The following SEC22A variants were observed in gnomAD, a reference collection of about 807,000 sequenced individuals.
SEC22A encodes vesicle-trafficking protein SEC22a.
In SEC22A, 22 loss-of-function variants were observed where a neutral mutation model predicts 35.3. The observed-to-expected ratio is 0.62, with a 90% confidence interval of 0.45 to 0.89. The LOEUF (loss-of-function observed/expected upper bound fraction) is 0.89, where lower values mean the gene tolerates loss of function less well. SEC22A is among the 40% of genes least tolerant of loss of function. SEC22A has a pLI of 0.00. For synonymous variants in SEC22A, 119 were observed against 129.5 expected, an observed-to-expected ratio of 0.92 and a Z score of 0.55; for missense variants, 354 against 362.5, an observed-to-expected ratio of 0.98 and a Z score of 0.19.
chr3:123,228,246 C>T (rs1266412898), intron 4 of SEC22A, among the ~76,000 whole-genome samples: 1 of 151,490 alleles, frequency 6.6e-6, no homozygotes, highest in Non-Finnish European at 1.5e-5. Flanking sequence ...GTCCAATTTC[C>T]AGTAAATTAT....
At chr3:123,212,898 T>G (rs1206925127) in intron 2 of SEC22A, among the ~76,000 whole-genome samples, 1 of 152,076 alleles carries the variant, frequency 6.6e-6, no homozygotes, top group Non-Finnish European at 1.5e-5. Flanking sequence ...GCAAAGGGGG[T>G]AATCCATAGG....
chr3:123,217,995 T>G (rs1042465302), intron 2 of SEC22A, among the ~76,000 whole-genome samples: 1 of 152,236 alleles, frequency 6.6e-6, no homozygotes, highest in African/African-American at 2.4e-5. Context: ...AATGTCAGTG[T>G]TTAATTGGTG....
intron 6 of SEC22A, among the ~76,000 whole-genome samples, chr3:123,263,874 C>T (rs1937959047): frequency 6.6e-6 from 1 of 151,282 alleles, no homozygotes; most frequent in Non-Finnish European, 1.5e-5. Flanking sequence ...CTTTTTATTG[C>T]TGAGTAGTAT....
intron 2 of SEC22A, among the ~76,000 whole-genome samples, chr3:123,220,812 G>A (rs146527615): frequency 4.7e-4 from 69 of 147,152 alleles, no homozygotes; most frequent in Admixed American, 1.3e-3. Context: ...AGTAATAGAC[G>A]ACTAGTAGGT....
At chr3:123,221,193 G>A (rs889213811) in intron 2 of SEC22A, among the ~76,000 whole-genome samples, 7 of 151,524 alleles carry the variant, frequency 4.6e-5, no homozygotes, top group African/African-American at 1.5e-4. Context: ...TGTGTAGGCC[G>A]GGCGTGGTGA....
chr3:123,209,244 C>T lies in SEC22A; in HGVS notation c.27C>T (p.Val9=). 6.2e-7 allele frequency: 1 copy of T among 1,613,998 alleles called. No individual in the cohort carries two copies. Residue 9 remains valine, a synonymous_variant, in exon 2 of 7, where the codon GTC becomes GTT. Transcript: ENST00000492595. The part of the protein sequence containing the change: MSMILSAS[V]IRVRDGLPLS... ...TGTCTATGATTTTATCTGCCTCAGTCATTCGTGTCAGAGATGGACTGCCAC... is the reference window on the plus strand; with the variant it reads ...TGTCTATGATTTTATCTGCCTCAGTTATTCGTGTCAGAGATGGACTGCCAC...
Position 123,223,605 on chromosome 3 carries a change from A to G in SEC22A, c.229A>G (p.Asn77Asp), listed in dbSNP as rs1937169131. 1 of 1,613,644 alleles carries G rather than the reference A, an allele frequency of 6.2e-7. No individual in the cohort carries two copies. Among genetic ancestry groups the G allele is most frequent in the Non-Finnish European group, 8.5e-7 (1 of 1,179,758 alleles). The change falls in exon 3 of 7, where the codon AAT (asparagine) becomes GAT (aspartate). Residue 77 changes from asparagine (N) to aspartate (D), a missense_variant. Asn to Asp is a conservative substitution (Grantham distance 23, BLOSUM62 1). Transcript: ENST00000492595. ...GVSYMMLCTE[N>D]YPNVLAFSFL... is the part of the protein sequence containing the mutation. ...GAGCTACATGATGTTGTGCACTGAA[A>G]ATTACCCAAATGTTCTCGCCTTCTC...
At chr3:123,206,156 G>C (rs1193973141) in intron 1 of SEC22A, among the ~76,000 whole-genome samples, 1 of 152,180 alleles carries the variant, frequency 6.6e-6, no homozygotes, top group African/African-American at 2.4e-5. Context: ...CACCCAGGTT[G>C]GACTGCAGTG....
chr3:123,228,075 A>G (rs1430851557), intron 4 of SEC22A, among the ~76,000 whole-genome samples: 1 of 152,136 alleles, frequency 6.6e-6, no homozygotes, highest in Non-Finnish European at 1.5e-5. Flanking sequence ...GACTGAATAC[A>G]ACACTTCACA....
At chr3:123,227,204 T>C (rs1367519207) in intron 4 of SEC22A, among the ~76,000 whole-genome samples, 1 of 151,086 alleles carries the variant, frequency 6.6e-6, no homozygotes, top group Non-Finnish European at 1.5e-5. Flanking sequence ...AAGAAAATTA[T>C]TCCAACCTAA....
intron 4 of SEC22A, among the ~76,000 whole-genome samples, chr3:123,226,817 A>T (rs1395529033): frequency 6.6e-6 from 1 of 152,210 alleles, no homozygotes; most frequent in African/African-American, 2.4e-5. Context: ...AGTTTCCCCA[A>T]TGTTATCTTT....
In SEC22A at chr3:123,223,552, A is replaced by C. The variant is rs200916160; in HGVS notation, c.183-7A>C. 14 of 1,608,672 alleles carry C rather than the reference A, an allele frequency of 8.7e-6. No individual in the cohort carries two copies. In the East Asian group the frequency reaches 2.7e-4, roughly 31 times the overall value. ...AAATTTTAAAACCAATGTTTTTTACACTGTAGTTTTATTAGCTCTCTGGGA... is the reference window on the plus strand; with the variant it reads ...AAATTTTAAAACCAATGTTTTTTACCCTGTAGTTTTATTAGCTCTCTGGGA... On this transcript the variant is annotated splice_polypyrimidine_tract_variant and splice_region_variant and intron_variant, in intron 2 of 6. Transcript: ENST00000492595.
chr3:123,266,720 A>G (rs1302468311), intron 6 of SEC22A, among the ~76,000 whole-genome samples: 4 of 151,984 alleles, frequency 2.6e-5, no homozygotes. Flanking sequence ...GTCTTGTTAT[A>G]TGTTCCATAG....
chr3:123,256,805 G>A (rs2108092976), intron 5 of SEC22A, among the ~76,000 whole-genome samples: 1 of 140,678 alleles, frequency 7.1e-6, no homozygotes, highest in South Asian at 2.2e-4. Context: ...TGTCACCCAG[G>A]CTGGAGTGCA....
At chr3:123,263,606 TC>T (rs1464549823) in intron 6 of SEC22A, among the ~76,000 whole-genome samples, 1 of 150,142 alleles carries the variant, frequency 6.7e-6, no homozygotes, top group Admixed American at 6.6e-5. Flanking sequence ...AATCTCCACT[TC>T]CCAGTTCAAG....
intron 6 of SEC22A, among the ~76,000 whole-genome samples, chr3:123,271,052 G>A (rs552486707): frequency 1.4e-4 from 22 of 152,260 alleles, no homozygotes; most frequent in African/African-American, 5.3e-4. Flanking sequence ...ATAGTTCCTT[G>A]TACTCAGTGG....
rs187646322 is a variant in SEC22A at position 123,206,506 on chromosome 3, G to A, written c.-19-2693G>A. On this transcript the variant is annotated intron_variant, in intron 1 of 6. Transcript: ENST00000492595. ...ACAGTTTTATAGTTAAATAATAAACGCTTAAGGGGATAGAGTAAGACATTT... is the reference window on the plus strand; with the variant it reads ...ACAGTTTTATAGTTAAATAATAAACACTTAAGGGGATAGAGTAAGACATTT... Among the ~76,000 whole-genome samples the A allele has an allele frequency of 1.3e-3, 192 of 152,228 alleles. 1 individual carries two copies. The highest frequency in any genetic ancestry group is 6.5e-4 in the Non-Finnish European group (44 of 68,028).
At chr3:123,215,871 G>A (rs1210757462) in intron 2 of SEC22A, among the ~76,000 whole-genome samples, 1 of 151,850 alleles carries the variant, frequency 6.6e-6, no homozygotes, top group Non-Finnish European at 1.5e-5. Flanking sequence ...CTCTTTTTTT[G>A]GTCAATAATA....
intron 1 of SEC22A, among the ~76,000 whole-genome samples, chr3:123,206,619 T>G (rs1410012222): frequency 1.3e-5 from 2 of 152,160 alleles, no homozygotes; most frequent in Admixed American, 1.3e-4. Flanking sequence ...AAGAGGGGTT[T>G]ATAGTATAGA....
Sources: gnomAD v4.1 joint callset for allele counts (sites outside exome capture counted in the v4.1 genomes callset) on GRCh38, gnomAD v4.1.1 for gene constraint, MANE v1.5 for transcripts, NCBI Gene and HGNC (gene_info 2026-07-23, HGNC 2026-07-21) for gene names.